The following ADGRL2 variants were observed in gnomAD, a reference collection of about 807,000 sequenced individuals.
ADGRL2 encodes adhesion G protein-coupled receptor L2, also known as calcium-independent alpha-latrotoxin receptor 2.
A neutral mutation model predicts 157.4 loss-of-function variants in ADGRL2; 44 were observed. That is an observed-to-expected ratio of 0.28 (90% CI 0.22 to 0.36). The LOEUF (loss-of-function observed/expected upper bound fraction) is 0.36. Ranked by LOEUF, ADGRL2 falls within the 10% of genes least tolerant of loss-of-function variation. The probability of loss-of-function intolerance (pLI) is 1.00; values close to 1 mark genes in which losing one functional copy is unlikely to be tolerated. For synonymous variants in ADGRL2, 585 were observed against 624.7 expected (o/e 0.94, Z 0.95); for missense variants, 1,510 against 1,768.9 (o/e 0.85, Z 2.63).
At chr1:81,410,646 G>A (rs2076931066) in intron 1 of ADGRL2, among the ~76,000 whole-genome samples, 1 of 152,234 alleles carries the variant, frequency 6.6e-6, no homozygotes, top group Non-Finnish European at 1.5e-5. Context: ...TAATTGATAT[G>A]TGGGAGAAAA....
chr1:81,870,321 T>C (rs2093660116), intron 2 of ADGRL2, among the ~76,000 whole-genome samples: 1 of 152,202 alleles, frequency 6.6e-6, no homozygotes, highest in African/African-American at 2.4e-5. Context: ...CCAGTGATCC[T>C]CCTCCGTTCA....
At chr1:81,357,815 C>T (rs370838317) in intron 1 of ADGRL2, among the ~76,000 whole-genome samples, 1 of 152,068 alleles carries the variant, frequency 6.6e-6, no homozygotes, top group Non-Finnish European at 1.5e-5. Context: ...AATGTGCATG[C>T]CATTTTCACT....
intron 1 of ADGRL2, among the ~76,000 whole-genome samples, chr1:81,702,358 C>T (rs1176721487): frequency 6.6e-6 from 1 of 152,176 alleles, no homozygotes; most frequent in African/African-American, 2.4e-5. Context: ...TGTACATGTA[C>T]AAAGATGGAA....
chr1:81,782,429 TA>T (rs2086854537), intron 2 of ADGRL2, among the ~76,000 whole-genome samples: 2 of 152,216 alleles, frequency 1.3e-5, no homozygotes, highest in Admixed American at 6.5e-5. Context: ...TGGTCTACAG[TA>T]AAATGGATAT....
At chr1:81,848,694 A>G (rs1009823462) in intron 2 of ADGRL2, among the ~76,000 whole-genome samples, 6 of 151,964 alleles carry the variant, frequency 3.9e-5, no homozygotes, top group African/African-American at 1.4e-4. Context: ...AGGAGGACCA[A>G]TCATGCTAAC....
intron 3 of ADGRL2, among the ~76,000 whole-genome samples, chr1:81,614,076 A>C (rs542496460): frequency 7.0e-4 from 106 of 152,270 alleles, no homozygotes; most frequent in African/African-American, 2.4e-3. Flanking sequence ...GAACACTTCC[A>C]CTTAGTTCAA....
At chr1:81,910,123 C>G (rs2094681267) in intron 3 of ADGRL2, among the ~76,000 whole-genome samples, 1 of 151,772 alleles carries the variant, frequency 6.6e-6, no homozygotes, top group Non-Finnish European at 1.5e-5. Flanking sequence ...ACCTGTAATC[C>G]CAGCTACTTG....
chr1:81,509,028 T>C (rs2079029238), intron 2 of ADGRL2, among the ~76,000 whole-genome samples: 1 of 152,176 alleles, frequency 6.6e-6, no homozygotes, highest in East Asian at 1.9e-4. Context: ...CTTTCCCTCT[T>C]CTTATGCTAA....
chr1:81,801,270 T>C (rs1477309915), intron 1 of ADGRL2, among the ~76,000 whole-genome samples: 1 of 152,180 alleles, frequency 6.6e-6, no homozygotes, highest in Non-Finnish European at 1.5e-5. Flanking sequence ...ATTTGTCCTT[T>C]GACGCTGTAC....
At chr1:81,361,243 T>C (rs774305470) in intron 1 of ADGRL2, among the ~76,000 whole-genome samples, 2 of 151,966 alleles carry the variant, frequency 1.3e-5, no homozygotes, top group Admixed American at 1.3e-4. Context: ...GTCTCTAAGC[T>C]GCCATTTTGG....
At chr1:81,616,526 C>T (rs944295658) in intron 3 of ADGRL2, among the ~76,000 whole-genome samples, 1 of 152,056 alleles carries the variant, frequency 6.6e-6, no homozygotes, top group Non-Finnish European at 1.5e-5. Context: ...ATTGTCCATT[C>T]GTTAAGGCCA....
At chr1:81,813,195 T>G (rs1320476813) in intron 1 of ADGRL2, among the ~76,000 whole-genome samples, 3 of 151,242 alleles carry the variant, frequency 2.0e-5, no homozygotes, top group African/African-American at 7.3e-5. Flanking sequence ...TTTGGTATAG[T>G]AACATTATTT....
In ADGRL2 at chr1:81,966,634, T is replaced by C. The variant is rs180931806; in HGVS notation, c.2349+25T>C. 1.1e-5 allele frequency: 17 copies of C among 1,595,454 alleles called. No individual in the cohort carries two copies. The East Asian group carries it at 3.8e-4, about 36-fold the overall frequency. ...TGTAAGTTAATGTATGCTAATGAAG[T>C]AATGGAAGGTTATAAAAGCAGAAAG... On this transcript the variant is annotated intron_variant, in intron 13 of 23. Coordinates refer to ENST00000686636, the MANE Select transcript of ADGRL2 (RefSeq NM_001366006.2).
intron 1 of ADGRL2, among the ~76,000 whole-genome samples, chr1:81,389,218 A>G (rs1246368621): frequency 1.3e-5 from 2 of 152,302 alleles, no homozygotes; most frequent in East Asian, 3.9e-4. Context: ...ACTACTCAAC[A>G]TTCAACAATG....
intron 1 of ADGRL2, among the ~76,000 whole-genome samples, 77 bp downstream of exon 1, chr1:81,801,145 C>T (rs12065513): frequency 0.81 from 123,462 of 152,140 alleles, 50,927 homozygotes; most frequent in South Asian, 0.94. Flanking sequence ...GAGTGGAAAA[C>T]GGCCATTGGG....
At chr1:81,576,065 C>T (rs1244300505) in intron 2 of ADGRL2, among the ~76,000 whole-genome samples, 4 of 152,066 alleles carry the variant, frequency 2.6e-5, no homozygotes, top group Non-Finnish European at 4.4e-5. Flanking sequence ...TATAAAATCT[C>T]TATCTCAGGA....
intron 1 of ADGRL2, among the ~76,000 whole-genome samples, chr1:81,743,723 G>A (rs540464979): frequency 1.2e-4 from 19 of 152,086 alleles, no homozygotes; most frequent in African/African-American, 3.6e-4. Flanking sequence ...TACCGTGTAT[G>A]ATGTTCACAT....
At chr1:81,588,190 T>C (rs983674484) in intron 3 of ADGRL2, 7 of 152,094 alleles carry the variant, frequency 4.6e-5, no homozygotes, top group Non-Finnish European at 7.4e-5. Context: ...CAGAGTTAGC[T>C]CCTCTTATCC....
intron 1 of ADGRL2, among the ~76,000 whole-genome samples, chr1:81,420,636 A>T (rs993450024): frequency 1.3e-5 from 2 of 152,160 alleles, no homozygotes; most frequent in African/African-American, 2.4e-5. Flanking sequence ...TTGTTTTGAA[A>T]ATCTTTATCT....
Sources: gnomAD v4.1 joint callset for allele counts (sites outside exome capture counted in the v4.1 genomes callset) on GRCh38, gnomAD v4.1.1 for gene constraint, MANE v1.5 for transcripts, NCBI Gene and HGNC (gene_info 2026-07-23, HGNC 2026-07-21) for gene names.